Variants in RPS6KC1 observed in about 807,000 individuals in gnomAD.
RPS6KC1 encodes the protein inactive ribosomal protein S6 kinase delta-1.
Under a neutral mutation model 103.8 loss-of-function variants are expected in RPS6KC1, and 54 were observed. The ratio of observed to expected loss-of-function variants is 0.52; its 90% confidence interval spans 0.42 to 0.65. RPS6KC1 has a LOEUF of 0.65. Among genes scored for constraint, RPS6KC1 ranks in the 30% least tolerant of loss-of-function variants. The probability of loss-of-function intolerance (pLI) is 0.00; values close to 1 mark genes in which losing one functional copy is unlikely to be tolerated. For synonymous variants in RPS6KC1, 439 were observed against 438.7 expected (o/e 1.00, Z -0.01); for missense variants, 1,151 against 1,253.8 (o/e 0.92, Z 1.24).
the RPS6KC1 span, among the ~76,000 whole-genome samples, chr1:213,592,078 A>G: frequency 2.0e-5 from 3 of 152,176 alleles, no homozygotes; most frequent in African/African-American, 7.2e-5. Flanking sequence ...CTGAGGGGGA[A>G]GCTGGGCAGT....
chr1:213,670,716 G>T, the RPS6KC1 span, among the ~76,000 whole-genome samples: 1 of 152,186 alleles, frequency 6.6e-6, no homozygotes, highest in Non-Finnish European at 1.5e-5. Context: ...AAGTGCACCT[G>T]CTCTTCTGAT....
intron 4 of RPS6KC1, among the ~76,000 whole-genome samples, chr1:213,110,845 G>A (rs1052602400): frequency 1.3e-5 from 2 of 151,994 alleles, no homozygotes; most frequent in African/African-American, 4.8e-5. Context: ...CTGCTGTCTG[G>A]TCTTTTCCTG....
At chr1:213,417,109 G>A in the RPS6KC1 span, among the ~76,000 whole-genome samples, 1 of 152,108 alleles carries the variant, frequency 6.6e-6, no homozygotes, top group East Asian at 1.9e-4. Flanking sequence ...TCCTCAGAGG[G>A]ACCATCGGGC....
the RPS6KC1 span, among the ~76,000 whole-genome samples, chr1:213,731,744 A>G: frequency 4.9e-4 from 74 of 152,362 alleles, no homozygotes; most frequent in African/African-American, 1.7e-3. Flanking sequence ...TTAGATCAAT[A>G]CACAAAGATG....
chr1:213,672,734 T>C, the RPS6KC1 span, among the ~76,000 whole-genome samples: 1 of 152,294 alleles, frequency 6.6e-6, no homozygotes, highest in Non-Finnish European at 1.5e-5. Context: ...GGTCCAGAGC[T>C]TTCCCCTGAG....
At chr1:213,150,349 T>C (rs887601214) in intron 6 of RPS6KC1, among the ~76,000 whole-genome samples, 5 of 150,344 alleles carry the variant, frequency 3.3e-5, no homozygotes, top group African/African-American at 1.2e-4. Context: ...AATTCTTGGG[T>C]GTTTCTCACA....
chr1:213,528,041 G>C, the RPS6KC1 span, among the ~76,000 whole-genome samples: 1 of 152,230 alleles, frequency 6.6e-6, no homozygotes, highest in Admixed American at 6.5e-5. Flanking sequence ...GAAGAGGGTA[G>C]GTCTTGCTGT....
chr1:213,428,522 T>TCCTTCCTTCCTCTC, the RPS6KC1 span, among the ~76,000 whole-genome samples: 1 of 45,836 alleles, frequency 2.2e-5, no homozygotes, highest in African/African-American at 8.3e-5. Flanking sequence ...TCCTTCCTCT[T>TCCTTCCTTCCTCTC]TCTCTCTCTC....
At chr1:213,326,939 C>T in the RPS6KC1 span, among the ~76,000 whole-genome samples, 2 of 151,928 alleles carry the variant, frequency 1.3e-5, no homozygotes, top group African/African-American at 4.8e-5. Context: ...CTTGGTCCCT[C>T]TCTGATGCTG....
intron 6 of RPS6KC1, among the ~76,000 whole-genome samples, chr1:213,143,348 T>C (rs778544418): frequency 6.6e-5 from 10 of 151,992 alleles, no homozygotes; most frequent in Admixed American, 1.3e-4. Context: ...ATTTGTTATG[T>C]ATTTTTTTTT....
At chr1:213,311,141 A>ATT in the RPS6KC1 span, among the ~76,000 whole-genome samples, 10 of 138,610 alleles carry the variant, frequency 7.2e-5, no homozygotes, top group East Asian at 2.1e-4. Flanking sequence ...TAATTTAGGC[A>ATT]TTTTTTTTTT....
the RPS6KC1 span, among the ~76,000 whole-genome samples, chr1:213,629,213 A>G: frequency 1.3e-5 from 2 of 151,978 alleles, no homozygotes; most frequent in Non-Finnish European, 2.9e-5. Flanking sequence ...AATGTGTGGG[A>G]GTCTAAGTCT....
the RPS6KC1 span, among the ~76,000 whole-genome samples, chr1:213,619,722 AT>A: frequency 6.6e-6 from 1 of 152,334 alleles, no homozygotes; most frequent in African/African-American, 2.4e-5. Context: ...CATATTTTAG[AT>A]CTGTCCCAGA....
In RPS6KC1 at chr1:213,242,573, C is replaced by T; in HGVS notation, c.2826C>T (p.His942=). Residue 942 remains histidine (H), a synonymous_variant, in exon 12 of 15, where the codon CAC becomes CAT. Coordinates refer to ENST00000366960, the MANE Select transcript of RPS6KC1 (RefSeq NM_012424.6). ...PNNILLNDRG[H]IQLTYFSRWS... is the part of the protein sequence containing the mutation. ...CTCCTGTCGTTTTGTTTTTAGGACACATTCAGCTAACGTATTTTAGCAGGT... is the reference window on the plus strand; with the variant it reads ...CTCCTGTCGTTTTGTTTTTAGGACATATTCAGCTAACGTATTTTAGCAGGT... The T allele has an allele frequency of 6.2e-7, 1 of 1,609,922 alleles. No individual in the cohort carries two copies. The highest frequency in any genetic ancestry group is 8.5e-7 in the Non-Finnish European group (1 of 1,177,082).
the RPS6KC1 span, among the ~76,000 whole-genome samples, chr1:213,355,664 G>A: frequency 6.6e-6 from 1 of 152,178 alleles, no homozygotes; most frequent in East Asian, 1.9e-4. Flanking sequence ...AACACACAAA[G>A]TATTAGCTTA....
chr1:213,155,151 T>G lies in RPS6KC1; in HGVS notation c.836-12707T>G, dbSNP rs567892277. On this transcript the variant is annotated intron_variant, in intron 6 of 14. Coordinates refer to ENST00000366960, the MANE Select transcript of RPS6KC1 (RefSeq NM_012424.6). ...ATGCAAGACAAAGTCCTCCCCACTT[T>G]CCTCTCCTTTCCTCAAGTGGAGGAA... 7.2e-5 allele frequency among the ~76,000 whole-genome samples: 11 copies of G among 152,232 alleles called. 1 individual carries two copies. The South Asian group carries it at 2.3e-3, about 32-fold the overall frequency.
At chr1:213,140,806 A>G (rs1489922932) in intron 6 of RPS6KC1, among the ~76,000 whole-genome samples, 4 of 150,190 alleles carry the variant, frequency 2.7e-5, no homozygotes, top group African/African-American at 4.9e-5. Context: ...TTTTGGTATC[A>G]GAATTATGCA....
the RPS6KC1 span, among the ~76,000 whole-genome samples, chr1:213,723,501 ATCTCT>A: frequency 6.6e-6 from 1 of 152,046 alleles, no homozygotes; most frequent in East Asian, 1.9e-4. Context: ...GTGTTTCCTA[ATCTCT>A]TCTTCTTGTA....
At chr1:213,729,068 G>T in the RPS6KC1 span, among the ~76,000 whole-genome samples, 2 of 150,362 alleles carry the variant, frequency 1.3e-5, no homozygotes, top group African/African-American at 4.9e-5. Context: ...TGTCCAAAGT[G>T]CTTAGTGAGA....
Sources: gnomAD v4.1 joint callset for allele counts (sites outside exome capture counted in the v4.1 genomes callset) on GRCh38, gnomAD v4.1.1 for gene constraint, MANE v1.5 for transcripts, NCBI Gene and HGNC (gene_info 2026-07-23, HGNC 2026-07-21) for gene names.